The following SLC5A1 variants were observed in gnomAD, a reference collection of about 807,000 sequenced individuals.
SLC5A1 encodes the protein sodium/glucose cotransporter 1.
Under a neutral mutation model 73.5 loss-of-function variants are expected in SLC5A1, and 42 were observed. The observed-to-expected ratio is 0.57, with a 90% CI of 0.45 to 0.74. SLC5A1 has a LOEUF of 0.74. Among genes scored for constraint, SLC5A1 ranks in the 30% least tolerant of loss-of-function variants. The pLI is 0.00. For synonymous variants in SLC5A1, 300 were observed against 317.4 expected (o/e 0.95, Z 0.58); for missense variants, 634 against 855.4 (o/e 0.74, Z 3.23).
rs750598700 is a variant in SLC5A1, at chr22:32,099,163, T to A, written c.1281-20T>A. 5 of 1,554,306 alleles carry A rather than the reference T, an allele frequency of 3.2e-6. No homozygotes were observed. The highest frequency in any genetic ancestry group is 3.5e-6 in the Non-Finnish European group (4 of 1,140,928). On this transcript the variant is annotated intron_variant, in intron 11 of 14. Coordinates refer to ENST00000266088, the MANE Select transcript of SLC5A1 (RefSeq NM_000343.4). Reference sequence around the variant, plus strand: ...GTAGAGCTATTTATTGACACCTTGTTGTGGGGGCTTTAATTTCAGGTTGTT... The same window carrying A: ...GTAGAGCTATTTATTGACACCTTGTAGTGGGGGCTTTAATTTCAGGTTGTT...
chr22:32,058,041 A>G (rs754983027), intron 2 of SLC5A1, among the ~76,000 whole-genome samples: 1 of 152,088 alleles, frequency 6.6e-6, no homozygotes, highest in Non-Finnish European at 1.5e-5. Context: ...TTAAAAATGC[A>G]CTCATTGTTT....
At chr22:32,048,035 C>T (rs2093939390) in intron 1 of SLC5A1, among the ~76,000 whole-genome samples, 1 of 151,836 alleles carries the variant, frequency 6.6e-6, no homozygotes, top group African/African-American at 2.4e-5. Context: ...GCCTGTACTC[C>T]CATCTACTCG....
intron 10 of SLC5A1, among the ~76,000 whole-genome samples, chr22:32,089,329 C>G (rs1387021690): frequency 6.6e-6 from 1 of 151,988 alleles, no homozygotes. Flanking sequence ...GAATAGGCAG[C>G]CTTTAGAATT....
chr22:32,066,875 C>A, intron 2 of SLC5A1, 60 bp from the exon 3 acceptor site: 1 of 1,176,664 alleles, frequency 8.5e-7, no homozygotes. Context: ...TCTCTTTGAC[C>A]CACTCTGAGT....
intron 12 of SLC5A1, among the ~76,000 whole-genome samples, chr22:32,100,512 C>A (rs1015161641): frequency 6.6e-6 from 1 of 152,016 alleles, no homozygotes; most frequent in African/African-American, 2.4e-5. Flanking sequence ...AGGTTTGTTA[C>A]TTCTGTACCT....
chr22:32,109,551 G>A (rs779214222), intron 14 of SLC5A1, among the ~76,000 whole-genome samples: 1 of 152,188 alleles, frequency 6.6e-6, no homozygotes, highest in Non-Finnish European at 1.5e-5. Flanking sequence ...TGTAACCAAC[G>A]CACTCCTGAA....
At position 32,056,660 on chromosome 22, in the gene SLC5A1, C is replaced by T. The variant is rs565026971; in HGVS notation, c.207+6646C>T. On this transcript the variant is annotated intron_variant, in intron 2 of 14. Transcript: ENST00000266088. ...CAGCCTAGAGAAGGCATGGAGAAGA[C>T]GCCCTGGGATCTCCCGATATCCCTT... Among the ~76,000 whole-genome samples the T allele has an allele frequency of 2.8e-4, 42 of 152,184 alleles. 1 individual carries two copies. The South Asian group carries it at 5.0e-3, about 18-fold the overall frequency.
At chr22:32,073,329 G>A (rs141635735) in intron 5 of SLC5A1, among the ~76,000 whole-genome samples, 21 of 152,212 alleles carry the variant, frequency 1.4e-4, no homozygotes, top group South Asian at 6.2e-4. Flanking sequence ...GGTCTTGCAC[G>A]TAAGTTTTCA....
At chr22:32,095,402 T>C (rs976785757) in intron 11 of SLC5A1, among the ~76,000 whole-genome samples, 8 of 152,230 alleles carry the variant, frequency 5.3e-5, no homozygotes, top group African/African-American at 1.9e-4. Flanking sequence ...CTTTGTTGAC[T>C]TTCTGTCTTG....
intron 2 of SLC5A1, among the ~76,000 whole-genome samples, chr22:32,056,405 G>T (rs1266070497): frequency 6.9e-6 from 1 of 145,928 alleles, no homozygotes; most frequent in Non-Finnish European, 1.5e-5. Context: ...AGTTAAATCT[G>T]AATTTCAGGC....
chr22:32,061,055 C>T (rs1194814081), intron 2 of SLC5A1, among the ~76,000 whole-genome samples: 1 of 152,126 alleles, frequency 6.6e-6, no homozygotes, highest in African/African-American at 2.4e-5. Context: ...CTGGGTGGGT[C>T]ATTAAATAGA....
chr22:32,048,069 T>C (rs534564315), intron 1 of SLC5A1, among the ~76,000 whole-genome samples: 1 of 151,334 alleles, frequency 6.6e-6, no homozygotes, highest in East Asian at 1.9e-4. Context: ...TGAGAATTGC[T>C]TGAACCTAGG....
chr22:32,059,207 G>A, intron 2 of SLC5A1: 7 of 985,218 alleles, frequency 7.1e-6, no homozygotes, highest in Non-Finnish European at 7.2e-6. Context: ...CTCCTGCCTG[G>A]GCGACAGAAA....
At chr22:32,045,598 C>G (rs1008978803) in intron 1 of SLC5A1, among the ~76,000 whole-genome samples, 9 of 152,218 alleles carry the variant, frequency 5.9e-5, no homozygotes, top group African/African-American at 1.9e-4. Context: ...CCCACACAGT[C>G]AATGTCCCTC....
At chr22:32,062,694 G>A (rs1159093838) in intron 2 of SLC5A1, among the ~76,000 whole-genome samples, 2 of 152,198 alleles carry the variant, frequency 1.3e-5, no homozygotes, top group Non-Finnish European at 2.9e-5. Flanking sequence ...CTGCATGGGA[G>A]TGGTGCCCAT....
At chr22:32,060,128 CACATATAT>C (rs1304752045) in intron 2 of SLC5A1, among the ~76,000 whole-genome samples, 5 of 46,532 alleles carry the variant, frequency 1.1e-4, no homozygotes, top group South Asian at 7.4e-4. Context: ...TATACATACA[CACATATAT>C]ATACACATAC....
intron 1 of SLC5A1, among the ~76,000 whole-genome samples, chr22:32,045,558 G>A (rs1407903828): frequency 6.6e-6 from 1 of 152,144 alleles, no homozygotes; most frequent in African/African-American, 2.4e-5. Flanking sequence ...AATGGTCCAG[G>A]CCCATTGTGT....
At chr22:32,044,558 G>T (rs2093934677) in intron 1 of SLC5A1, among the ~76,000 whole-genome samples, 1 of 151,654 alleles carries the variant, frequency 6.6e-6, no homozygotes. Context: ...ACTAGATGTG[G>T]CAGAATGCCT....
At chr22:32,091,495 A>G (rs2094017516) in intron 10 of SLC5A1, 117 bp from the exon 11 acceptor site, 5 of 1,172,726 alleles carry the variant, frequency 4.3e-6, no homozygotes, top group Non-Finnish European at 5.0e-6. Flanking sequence ...GGAGACAGAA[A>G]TTGGATAACA....
Sources: allele counts gnomAD v4.1 joint callset (sites outside exome capture counted in the v4.1 genomes callset), GRCh38; gene constraint gnomAD v4.1.1; transcripts MANE v1.5; gene names NCBI Gene and HGNC (gene_info 2026-07-23, HGNC 2026-07-21).